The following SEC24A variants were observed in gnomAD, a reference collection of about 807,000 sequenced individuals.
SEC24A encodes protein transport protein Sec24A.
SEC24A carries 93 observed loss-of-function variants against 129.4 expected under a neutral mutation model. That is an observed-to-expected ratio of 0.72 (90% confidence interval 0.61 to 0.85). The LOEUF (loss-of-function observed/expected upper bound fraction) is 0.85. Ranked by LOEUF, SEC24A falls within the 40% of genes least tolerant of loss-of-function variation. The probability of loss-of-function intolerance (pLI) is 0.00; values close to 1 mark genes in which losing one functional copy is unlikely to be tolerated. For synonymous variants in SEC24A, 460 were observed against 467.3 expected, an observed-to-expected ratio of 0.98 and a Z score of 0.20; for missense variants, 1,264 against 1,307.4, an observed-to-expected ratio of 0.97 and a Z score of 0.51.
chr5:134,711,492 G>C (rs1752323004), intron 18 of SEC24A, among the ~76,000 whole-genome samples: 1 of 151,646 alleles, frequency 6.6e-6, no homozygotes, highest in South Asian at 2.1e-4. Context: ...GACCAGCCTG[G>C]ACAACATAGT....
At chr5:134,653,817 C>T (rs1472063006) in intron 1 of SEC24A, among the ~76,000 whole-genome samples, 1 of 151,826 alleles carries the variant, frequency 6.6e-6, no homozygotes, top group Non-Finnish European at 1.5e-5. Flanking sequence ...GCTACAATTG[C>T]ACAACTGCAC....
intron 1 of SEC24A, among the ~76,000 whole-genome samples, chr5:134,653,245 C>CGTTT (rs910265799): frequency 1.3e-5 from 2 of 151,684 alleles, no homozygotes; most frequent in African/African-American, 4.8e-5. Flanking sequence ...GTTCCAGTTT[C>CGTTT]GTTTGTTTGT....
At chr5:134,651,189 T>C (rs1185287898) in intron 1 of SEC24A, among the ~76,000 whole-genome samples, 2 of 149,648 alleles carry the variant, frequency 1.3e-5, no homozygotes, top group Non-Finnish European at 3.0e-5. Context: ...ACTCCTGGGC[T>C]CAAGCAATCC....
intron 10 of SEC24A, among the ~76,000 whole-genome samples, chr5:134,687,348 A>AAATAT (rs1751488200): frequency 6.6e-6 from 1 of 152,202 alleles, no homozygotes; most frequent in African/African-American, 2.4e-5. Context: ...TTTTGTTCCT[A>AAATAT]GTTGTCTCAA....
intron 21 of SEC24A, among the ~76,000 whole-genome samples, chr5:134,723,276 G>A (rs1752672743): frequency 6.6e-6 from 1 of 151,790 alleles, no homozygotes; most frequent in South Asian, 2.1e-4. Context: ...AATCAGCCTG[G>A]GCAACATGGC....
chr5:134,699,125 TC>T (rs1191228730), intron 15 of SEC24A, among the ~76,000 whole-genome samples: 1 of 151,648 alleles, frequency 6.6e-6, no homozygotes, highest in Non-Finnish European at 1.5e-5. Context: ...AGACTGGGTC[TC>T]CCTATGTTGC....
chr5:134,710,212 CTT>C (rs77965512), intron 18 of SEC24A, among the ~76,000 whole-genome samples: 11 of 142,152 alleles, frequency 7.7e-5, no homozygotes, highest in Non-Finnish European at 1.1e-4. Context: ...TAATCTTCTT[CTT>C]TTTTTTTTTT....
intron 1 of SEC24A, among the ~76,000 whole-genome samples, chr5:134,655,139 A>C (rs1482749978): frequency 6.6e-6 from 1 of 152,094 alleles, no homozygotes; most frequent in African/African-American, 2.4e-5. Flanking sequence ...ACCCGGCCAC[A>C]TGAGATTTTT....
intron 15 of SEC24A, among the ~76,000 whole-genome samples, chr5:134,702,760 T>G (rs569310053): frequency 9.2e-4 from 138 of 149,562 alleles, no homozygotes; most frequent in African/African-American, 3.5e-3. Context: ...TTTGTTTGTT[T>G]GTTGTTGTTG....
chr5:134,719,381 C>CAAA (rs34242727), intron 20 of SEC24A, among the ~76,000 whole-genome samples: 8 of 61,470 alleles, frequency 1.3e-4, no homozygotes, highest in Admixed American at 1.9e-4. Context: ...TACCTAGTCT[C>CAAA]AAAAAAAAAA....
chr5:134,672,715 A>G (rs1750909786), intron 4 of SEC24A, among the ~76,000 whole-genome samples: 1 of 151,454 alleles, frequency 6.6e-6, no homozygotes, highest in African/African-American at 2.4e-5. Context: ...ATTTATTATT[A>G]TTATGTTTTG....
intron 15 of SEC24A, among the ~76,000 whole-genome samples, chr5:134,701,513 CTTT>C (rs10714056): frequency 1.3e-4 from 18 of 136,916 alleles, no homozygotes; most frequent in South Asian, 2.4e-4. Context: ...CCTTTGCCCT[CTTT>C]TTTTTTTTTT....
At chr5:134,657,531 T>C (rs2150069366) in intron 1 of SEC24A, among the ~76,000 whole-genome samples, 1 of 152,268 alleles carries the variant, frequency 6.6e-6, no homozygotes, top group Middle Eastern at 3.4e-3. Context: ...TTGAGTAATG[T>C]ATAGATACTA....
Position 134,720,990 on chromosome 5 carries a change from G to A in SEC24A, c.2971-8G>A, listed in dbSNP as rs1561835519. 1.9e-6 allele frequency: 3 copies of A among 1,555,680 alleles called. No homozygotes were observed. Among genetic ancestry groups the A allele is most frequent in the African/African-American group, 1.4e-5 (1 of 73,766 alleles). Reference sequence around the variant, plus strand: ...TGCATCTCAAAATAATTTTATTCCTGTCCCTAGGTACTGATGCTTTGGGTT... The same window carrying A: ...TGCATCTCAAAATAATTTTATTCCTATCCCTAGGTACTGATGCTTTGGGTT... On this transcript the variant is annotated splice_region_variant and splice_polypyrimidine_tract_variant and intron_variant, in intron 20 of 22. Coordinates refer to ENST00000398844, the MANE Select transcript of SEC24A (RefSeq NM_021982.3).
chr5:134,708,974 C>A, intron 18 of SEC24A, 86 bp downstream of exon 18: 2 of 1,310,828 alleles, frequency 1.5e-6, no homozygotes, highest in Non-Finnish European at 2.1e-6. Context: ...GGGTGGCTGA[C>A]GTGGGTGGAT....
intron 22 of SEC24A, 31 bp from the exon 23 acceptor site, chr5:134,724,949 T>C: frequency 9.1e-7 from 1 of 1,103,330 alleles, no homozygotes; most frequent in Non-Finnish European, 1.4e-6. Context: ...TGCTACATTT[T>C]ATCTAAATTT....
chr5:134,705,402 A>C lies in SEC24A; in HGVS notation c.2516A>C (p.Asp839Ala). The C allele has an allele frequency of 6.2e-7, 1 of 1,613,182 alleles. No homozygotes were observed. The highest frequency in any genetic ancestry group is 8.5e-7 in the Non-Finnish European group (1 of 1,179,488). Residue 839 changes from aspartate (D) to alanine (A), a missense_variant, in exon 17 of 23, where the codon GAT becomes GCT. Transcript: ENST00000398844. ...CTGAATGATGTCTTTCTTGGAGCTG[A>C]TGTTCAAGCAATTTCAGGGTTATTG... ...STLNDVFLGA[D>A]VQAISGLLAN...
intron 22 of SEC24A, among the ~76,000 whole-genome samples, chr5:134,724,588 CAAAA>C (rs757083360): frequency 2.2e-5 from 2 of 91,368 alleles, no homozygotes; most frequent in African/African-American, 8.3e-5. Context: ...AACTCCATCT[CAAAA>C]AAAAAAAAAA....
At chr5:134,686,183 T>C (rs1418009018) in intron 9 of SEC24A, among the ~76,000 whole-genome samples, 1 of 151,986 alleles carries the variant, frequency 6.6e-6, no homozygotes, top group African/African-American at 2.4e-5. Context: ...TAAACACTTT[T>C]GTTAGTATAA....
Sources: allele counts gnomAD v4.1 joint callset (sites outside exome capture counted in the v4.1 genomes callset), GRCh38; gene constraint gnomAD v4.1.1; transcripts MANE v1.5; gene names NCBI Gene and HGNC (gene_info 2026-07-23, HGNC 2026-07-21).